The following CMTM7 variants were observed in gnomAD, a reference collection of about 807,000 sequenced individuals.
CMTM7 encodes the protein CKLF-like MARVEL transmembrane domain-containing protein 7.
In CMTM7, 7 loss-of-function variants were observed where a neutral mutation model predicts 19.3. The observed-to-expected ratio is 0.36, with a 90% CI of 0.21 to 0.68. The LOEUF (loss-of-function observed/expected upper bound fraction) is 0.68. CMTM7 is among the 30% of genes least tolerant of loss of function. The probability of loss-of-function intolerance (pLI) is 0.60; values close to 1 mark genes in which losing one functional copy is unlikely to be tolerated. For synonymous variants in CMTM7, 87 were observed against 99.3 expected (o/e 0.88, Z 0.74); for missense variants, 193 against 232.6 (o/e 0.83, Z 1.11).
intron 1 of CMTM7, among the ~76,000 whole-genome samples, chr3:32,413,970 G>T (rs1420178897): frequency 6.6e-6 from 1 of 152,162 alleles, no homozygotes; most frequent in African/African-American, 2.4e-5. Context: ...CCTGGGGGCA[G>T]CCTGTATCCA....
intron 1 of CMTM7, among the ~76,000 whole-genome samples, chr3:32,417,955 G>A (rs1696291683): frequency 1.3e-5 from 2 of 152,240 alleles, no homozygotes; most frequent in African/African-American, 4.8e-5. Context: ...CTGAATAGCT[G>A]GGACTATAGG....
In CMTM7 at chr3:32,404,142, C is replaced by CTTTTTTTTCTTTTTTTTTTTTTTT. The variant is rs1559401304; in HGVS notation, c.159+12085_159+12086insCTTTTTTTTTTTTTTTTTTTTTTT. 8.7e-4 allele frequency among the ~76,000 whole-genome samples: 95 copies of CTTTTTTTTCTTTTTTTTTTTTTTT among 109,198 alleles called. 3 individuals carry two copies. The highest frequency in any genetic ancestry group is 1.2e-3 in the Non-Finnish European group (67 of 54,054). The allele number at this position is 109,198 out of a possible 152,430, so 71.6% of individuals were successfully genotyped here. A position where few individuals can be genotyped will look rare whatever the true frequency, so the allele number is the denominator to read the frequency against. ...CCTTTGTTTAATCTTTTCTTTCTTT[C>CTTTTTTTTCTTTTTTTTTTTTTTT]TTTTTTTTTCTTTTTTTTTCTTTTT... On this transcript the variant is annotated intron_variant, in intron 1 of 4. Transcript: ENST00000334983.
rs1696805701 is a variant in CMTM7 at position 32,449,910 on chromosome 3, G to A, written c.432+358G>A. ...AGACAGATGCTGGAGCCTCTTTTGG[G>A]CCCAGTGGGAAATGTACTGTGATCA... On this transcript the variant is annotated intron_variant, in intron 3 of 4. Transcript: ENST00000334983. The surrounding 1 kb of genome is among the most constrained non-coding windows in gnomAD (Gnocchi z 4.5). 6.6e-6 allele frequency among the ~76,000 whole-genome samples: 1 copy of A among 152,090 alleles called. No homozygotes were observed. The highest frequency in any genetic ancestry group is 6.6e-5 in the Admixed American group (1 of 15,266).
intron 1 of CMTM7, among the ~76,000 whole-genome samples, chr3:32,431,515 C>T (rs963637976): frequency 5.9e-5 from 9 of 152,160 alleles, no homozygotes; most frequent in African/African-American, 1.2e-4. Flanking sequence ...GAATCTGAGG[C>T]AGTGTTAAAC....
intron 2 of CMTM7, among the ~76,000 whole-genome samples, chr3:32,445,301 G>A (rs1424366208): frequency 6.6e-6 from 1 of 152,192 alleles, no homozygotes; most frequent in African/African-American, 2.4e-5. Flanking sequence ...ATGTTAGGAG[G>A]AAAGCATTCC....
intron 1 of CMTM7, among the ~76,000 whole-genome samples, chr3:32,420,263 C>T (rs909087968): frequency 6.6e-6 from 1 of 152,234 alleles, no homozygotes; most frequent in African/African-American, 2.4e-5. Context: ...AGGGCAGAAG[C>T]AGAGCCTGCT....
intron 1 of CMTM7, among the ~76,000 whole-genome samples, chr3:32,393,583 T>C (rs1420787373): frequency 2.6e-5 from 4 of 152,066 alleles, no homozygotes; most frequent in African/African-American, 9.7e-5. Context: ...TACACAAACA[T>C]AATGGAGATG....
At chr3:32,447,642 T>C (rs1575126479) in intron 2 of CMTM7, among the ~76,000 whole-genome samples, 1 of 152,330 alleles carries the variant, frequency 6.6e-6, no homozygotes, top group East Asian at 1.9e-4. Flanking sequence ...AATTGTTATA[T>C]CTTACTTACG....
At chr3:32,409,561 A>C (rs1330773131) in intron 1 of CMTM7, among the ~76,000 whole-genome samples, 1 of 152,172 alleles carries the variant, frequency 6.6e-6, no homozygotes, top group Non-Finnish European at 1.5e-5. Flanking sequence ...CCAGATCATA[A>C]GGTGTATTCA....
chr3:32,412,526 C>G (rs1471995362), intron 1 of CMTM7, among the ~76,000 whole-genome samples: 2 of 87,114 alleles, frequency 2.3e-5, no homozygotes, highest in African/African-American at 7.5e-5. Flanking sequence ...CACACACACA[C>G]ACACACACAC....
chr3:32,436,485 G>C (rs1043618217), intron 1 of CMTM7, among the ~76,000 whole-genome samples: 3 of 152,160 alleles, frequency 2.0e-5, no homozygotes, highest in African/African-American at 7.2e-5. Flanking sequence ...TCCAGGCACT[G>C]CATCCTCATC....
rs547637294 is a variant in CMTM7 at position 32,394,991 on chromosome 3, C to T, written c.159+2926C>T. 6.3e-4 allele frequency among the ~76,000 whole-genome samples: 95 copies of T among 151,722 alleles called. No individual in the cohort carries two copies. The South Asian group carries it at 0.018, about 29-fold the overall frequency. ...TATTACAGGTGTGAGCTGCCGCGCT[C>T]GGCTAAATGACTTTTTTTTTTTTGA... is the stretch of plus-strand genomic sequence containing the variant. On this transcript the variant is annotated intron_variant, in intron 1 of 4. Coordinates refer to ENST00000334983, the MANE Select transcript of CMTM7 (RefSeq NM_138410.4).
intron 1 of CMTM7, among the ~76,000 whole-genome samples, chr3:32,398,519 T>G (rs1343771445): frequency 2.6e-5 from 4 of 152,048 alleles, no homozygotes; most frequent in Non-Finnish European, 2.9e-5. Flanking sequence ...AAAATAAACA[T>G]TAATCAAAAT....
At chr3:32,401,470 G>A (rs1032804050) in intron 1 of CMTM7, among the ~76,000 whole-genome samples, 1 of 152,232 alleles carries the variant, frequency 6.6e-6, no homozygotes, top group Non-Finnish European at 1.5e-5. Flanking sequence ...GGCACTGCAG[G>A]GGCCCTAGAG....
At chr3:32,393,309 A>G (rs752659284) in intron 1 of CMTM7, among the ~76,000 whole-genome samples, 46 of 152,198 alleles carry the variant, frequency 3.0e-4, no homozygotes, top group Admixed American at 5.9e-4. Flanking sequence ...GCAACGTACA[A>G]AAAAATCTGG....
chr3:32,453,019 C>T (rs867072066), intron 4 of CMTM7, among the ~76,000 whole-genome samples: 3 of 148,046 alleles, frequency 2.0e-5, no homozygotes, highest in Non-Finnish European at 4.4e-5. Flanking sequence ...AGTCCTCCCA[C>T]CTCAGCCTCT....
At chr3:32,421,878 AT>A (rs1696349062) in intron 1 of CMTM7, among the ~76,000 whole-genome samples, 1 of 152,216 alleles carries the variant, frequency 6.6e-6, no homozygotes. Context: ...TTTTGCCTGA[AT>A]TAGTTCATTT....
chr3:32,402,125 G>A (rs375230367), intron 1 of CMTM7, among the ~76,000 whole-genome samples: 1 of 152,014 alleles, frequency 6.6e-6, no homozygotes, highest in African/African-American at 2.4e-5. Context: ...TTTTTGAGAC[G>A]GAGTCTAAAA....
At chr3:32,434,574 ACT>A (rs1353887073) in intron 1 of CMTM7, among the ~76,000 whole-genome samples, 1 of 149,222 alleles carries the variant, frequency 6.7e-6, no homozygotes, top group Admixed American at 6.7e-5. Flanking sequence ...CTCCCAAAGC[ACT>A]GAGATTACAC....
Sources: allele counts gnomAD v4.1 joint callset (sites outside exome capture counted in the v4.1 genomes callset), GRCh38; gene constraint gnomAD v4.1.1; non-coding constraint Gnocchi (gnomAD v3.1); transcripts MANE v1.5; gene names NCBI Gene and HGNC (gene_info 2026-07-23, HGNC 2026-07-21).